ALDH1A2: variants seen among roughly 807,000 people sequenced by gnomAD.
The protein encoded by ALDH1A2 is retinal dehydrogenase 2.
In ALDH1A2, 27 loss-of-function variants were observed where a neutral mutation model predicts 60.3. That is an observed-to-expected ratio of 0.45 (90% CI 0.33 to 0.62). ALDH1A2 has a LOEUF of 0.62. Among genes scored for constraint, ALDH1A2 ranks in the 20% least tolerant of loss-of-function variants. The pLI, the probability that ALDH1A2 is intolerant of heterozygous loss-of-function variation, is 0.02. For synonymous variants in ALDH1A2, 289 were observed against 232.4 expected, an observed-to-expected ratio of 1.24 and a Z score of -2.21; for missense variants, 581 against 643.8, an observed-to-expected ratio of 0.90 and a Z score of 1.06.
chr15:58,053,013 G>A (rs1309047155), intron 1 of ALDH1A2, among the ~76,000 whole-genome samples: 17 of 152,120 alleles, frequency 1.1e-4, no homozygotes, highest in African/African-American at 4.1e-4. Context: ...TGTCTAGGAT[G>A]TATTCATTTA....
At chr15:58,003,710 C>T (rs991663396) in intron 4 of ALDH1A2, among the ~76,000 whole-genome samples, 2 of 151,652 alleles carry the variant, frequency 1.3e-5, no homozygotes, top group East Asian at 1.9e-4. Flanking sequence ...AGGTTGTAGA[C>T]GTGAGAGAAG....
chr15:57,999,295 C>G (rs1273182068), intron 4 of ALDH1A2, among the ~76,000 whole-genome samples: 1 of 152,010 alleles, frequency 6.6e-6, no homozygotes, highest in Non-Finnish European at 1.5e-5. Context: ...ATCTATGCAT[C>G]TGACAAAGGT....
intron 1 of ALDH1A2, among the ~76,000 whole-genome samples, chr15:58,056,249 A>C (rs1271676124): frequency 6.6e-6 from 1 of 152,084 alleles, no homozygotes; most frequent in Admixed American, 6.6e-5. Context: ...GTGTATTAAA[A>C]CCATCAATCA....
At chr15:57,983,622 A>G (rs1390235628) in intron 7 of ALDH1A2, among the ~76,000 whole-genome samples, 2 of 152,248 alleles carry the variant, frequency 1.3e-5, no homozygotes, top group East Asian at 1.9e-4. Flanking sequence ...TTTGAAAATT[A>G]TATTAAATGA....
intron 1 of ALDH1A2, among the ~76,000 whole-genome samples, chr15:58,046,470 T>A (rs1253217422): frequency 1.3e-5 from 2 of 152,132 alleles, no homozygotes; most frequent in Non-Finnish European, 2.9e-5. Context: ...ATTGAGGTGA[T>A]TAATCTTGTA....
At chr15:57,967,414 C>G (rs1330676118) in intron 7 of ALDH1A2, among the ~76,000 whole-genome samples, 1 of 152,164 alleles carries the variant, frequency 6.6e-6, no homozygotes, top group Non-Finnish European at 1.5e-5. Context: ...CCTCCCTTTT[C>G]TTCCACGTTC....
Position 58,052,232 on chromosome 15 carries a change from C to T in ALDH1A2, c.117+13302G>A, listed in dbSNP as rs534883163. On this transcript the variant is annotated intron_variant, in intron 1 of 12. Transcript: ENST00000249750. ...ACAAAACTGTTTGAGTGCAAATTTT[C>T]GGCCCTAAAAAGACCACAACTAAAT... Among the ~76,000 whole-genome samples the T allele has an allele frequency of 1.5e-4, 23 of 152,166 alleles. No homozygotes were observed. The Middle Eastern group carries it at 0.02, about 135-fold the overall frequency.
At chr15:58,036,028 G>A (rs1187391259) in intron 1 of ALDH1A2, among the ~76,000 whole-genome samples, 3 of 151,554 alleles carry the variant, frequency 2.0e-5, no homozygotes, top group Admixed American at 6.6e-5. Context: ...AAAAAATAAT[G>A]TATGCAAGGA....
intron 7 of ALDH1A2, among the ~76,000 whole-genome samples, chr15:57,987,763 T>C (rs956132245): frequency 6.6e-6 from 1 of 151,422 alleles, no homozygotes; most frequent in African/African-American, 2.4e-5. Flanking sequence ...CGGGTGCCTG[T>C]AGTCCCAGCT....
At chr15:57,988,938 G>T (rs1243654749) in intron 7 of ALDH1A2, among the ~76,000 whole-genome samples, 1 of 152,162 alleles carries the variant, frequency 6.6e-6, no homozygotes, top group African/African-American at 2.4e-5. Flanking sequence ...GGAGGCTGAG[G>T]CTGGTGGATC....
chr15:57,967,229 T>C (rs1211404950), intron 7 of ALDH1A2, among the ~76,000 whole-genome samples: 2 of 151,688 alleles, frequency 1.3e-5, no homozygotes, highest in Non-Finnish European at 1.5e-5. Context: ...GCCTAGGAAA[T>C]TTATTTACTA....
intron 1 of ALDH1A2, among the ~76,000 whole-genome samples, chr15:58,062,890 A>G (rs1897079582): frequency 6.6e-6 from 1 of 152,224 alleles, no homozygotes; most frequent in Admixed American, 6.5e-5. Context: ...TCCATACACA[A>G]CCATGAGTTT....
At chr15:58,065,480 C>T in intron 1 of ALDH1A2, 54 bp downstream of exon 1, 8 of 1,455,540 alleles carry the variant, frequency 5.5e-6, no homozygotes, top group East Asian at 2.3e-5. Context: ...TCGGGGAAAC[C>T]GAAGAAGGTT....
At position 58,028,715 on chromosome 15, in the gene ALDH1A2, C is replaced by A. The variant is rs555826466; in HGVS notation, c.118-14434G>T. Among the ~76,000 whole-genome samples the A allele has an allele frequency of 1.4e-4, 22 of 152,116 alleles. No homozygotes were observed. In the South Asian group the frequency reaches 4.6e-3, roughly 32 times the overall value. ...AAGGGATGGAGGAATATCTACCAAG[C>A]AAATGGAAAGCAAAAACAAAAGCAG... On this transcript the variant is annotated intron_variant, in intron 1 of 12. Coordinates refer to ENST00000249750, the MANE Select transcript of ALDH1A2 (RefSeq NM_003888.4).
intron 1 of ALDH1A2, among the ~76,000 whole-genome samples, chr15:58,020,418 C>G (rs1212886224): frequency 1.3e-5 from 2 of 152,070 alleles, no homozygotes; most frequent in Non-Finnish European, 2.9e-5. Flanking sequence ...CAGTACCTCC[C>G]ACACCAAGAA....
Position 57,963,868 on chromosome 15 carries a change from G to A in ALDH1A2, c.1086+17C>T. The A allele has an allele frequency of 1.2e-6, 2 of 1,613,940 alleles. No individual in the cohort carries two copies. The highest frequency in any genetic ancestry group is 1.7e-6 in the Non-Finnish European group (2 of 1,179,830). The stretch of plus-strand genomic sequence containing the variant: ...CAAGGATTAAGTAAACAAAGGGAAT[G>A]GTTATGATTTTTCTACCTGGGGACC... On this transcript the variant is annotated intron_variant, in intron 9 of 12. Coordinates refer to ENST00000249750, the MANE Select transcript of ALDH1A2 (RefSeq NM_003888.4).
At chr15:58,013,005 C>T (rs182075997) in intron 3 of ALDH1A2, among the ~76,000 whole-genome samples, 2 of 152,256 alleles carry the variant, frequency 1.3e-5, no homozygotes, top group African/African-American at 4.8e-5. Context: ...AAGAAATTGA[C>T]TTTTATTTTA....
intron 4 of ALDH1A2, among the ~76,000 whole-genome samples, chr15:57,995,714 C>A (rs4646605): frequency 0.42 from 63,037 of 151,746 alleles, 14,139 homozygotes; most frequent in South Asian, 0.71. Flanking sequence ...AAGTCCATTT[C>A]TAAAAAGAAC....
At chr15:58,031,295 G>A (rs916373289) in intron 1 of ALDH1A2, among the ~76,000 whole-genome samples, 1 of 152,114 alleles carries the variant, frequency 6.6e-6, no homozygotes, top group African/African-American at 2.4e-5. Context: ...ACAGTGCTGG[G>A]AAAACTGGCT....
Sources: gnomAD v4.1 joint callset for allele counts (sites outside exome capture counted in the v4.1 genomes callset) on GRCh38, gnomAD v4.1.1 for gene constraint, MANE v1.5 for transcripts, NCBI Gene and HGNC (gene_info 2026-07-23, HGNC 2026-07-21) for gene names.